ATRX: variants seen among roughly 807,000 people sequenced by gnomAD.
The protein encoded by ATRX is chromatin remodeler ATRX.
In ATRX, 12 loss-of-function variants were observed where a neutral mutation model predicts 172.6. The observed-to-expected ratio is 0.07, with a 90% CI of 0.04 to 0.11. The LOEUF is 0.11. Ranked by LOEUF, ATRX falls within the 10% of genes least tolerant of loss-of-function variation. The pLI is 1.00. For missense variants in ATRX, 1,368 were observed against 1,767.4 expected (o/e 0.77, Z 4.05); for synonymous variants, 674 against 594.7 (o/e 1.13, Z -1.94).
At chrX:77,773,110 A>AC (rs1374775303) in intron 1 of ATRX, among the ~76,000 whole-genome samples, 101 of 106,799 alleles carry the variant, frequency 9.5e-4, no homozygotes, top group Non-Finnish European at 1.7e-3. Flanking sequence ...AAAAAAAAAA[A>AC]AAAAAAGAAC....
chrX:77,600,418 A>C lies in ATRX; in HGVS notation c.5697+16T>G. The C allele has an allele frequency of 8.3e-7, 1 of 1,209,235 alleles. No individual in the cohort carries two copies. On this transcript the variant is annotated intron_variant, in intron 23 of 34. Coordinates refer to ENST00000373344, the MANE Select transcript of ATRX (RefSeq NM_000489.6). ...TGCTTCCAATAGATGCTTTTAAACT[A>C]AGTTACCTGACTTACCTTATTTTCT...
At chrX:77,722,636 A>G (rs935285028) in intron 1 of ATRX, among the ~76,000 whole-genome samples, 4 of 112,210 alleles carry the variant, frequency 3.6e-5, no homozygotes, top group Non-Finnish European at 7.5e-5. Context: ...AAAAACCACA[A>G]TGAGATACCA....
chrX:77,759,019 AT>A (rs1339917994), intron 1 of ATRX, among the ~76,000 whole-genome samples: 1 of 112,010 alleles, frequency 8.9e-6, no homozygotes, highest in Non-Finnish European at 1.9e-5. Context: ...TGGCTGTTAA[AT>A]TTTAAATTTA....
chrX:77,767,123 G>A (rs1229149484), intron 1 of ATRX, among the ~76,000 whole-genome samples: 2 of 111,729 alleles, frequency 1.8e-5, no homozygotes, highest in African/African-American at 6.5e-5. Flanking sequence ...GGCAGGCTGA[G>A]GCAGGAGAAT....
chrX:77,661,239 C>T (rs1024403060), intron 12 of ATRX, among the ~76,000 whole-genome samples: 1 of 111,762 alleles, frequency 8.9e-6, no homozygotes, highest in Non-Finnish European at 1.9e-5. Flanking sequence ...TCAAATAAAA[C>T]ATTTTTTAAA....
At chrX:77,676,601 G>T (rs528149259) in intron 9 of ATRX, among the ~76,000 whole-genome samples, 1 of 111,891 alleles carries the variant, frequency 8.9e-6, no homozygotes, top group East Asian at 2.8e-4. Flanking sequence ...ATTAGCATAA[G>T]TTTCTTGCCA....
intron 34 of ATRX, among the ~76,000 whole-genome samples, chrX:77,509,921 G>T (rs782244708): frequency 1.2e-5 from 1 of 80,135 alleles, no homozygotes; most frequent in South Asian, 1.2e-3. Context: ...CGGGGGGGGG[G>T]GGCACATGAC....
chrX:77,539,216 G>A (rs892404710), intron 30 of ATRX, among the ~76,000 whole-genome samples: 2 of 110,868 alleles, frequency 1.8e-5, no homozygotes, highest in Admixed American at 9.7e-5. Context: ...ATAGTTGGGC[G>A]ATCCTTTACT....
chrX:77,553,941 C>T (rs1181001505), intron 30 of ATRX, among the ~76,000 whole-genome samples: 6 of 111,597 alleles, frequency 5.4e-5, no homozygotes, highest in Admixed American at 3.8e-4. Context: ...GAGACCAGTA[C>T]AATTGGCATA....
At chrX:77,627,974 T>C (rs1324563538) in intron 19 of ATRX, among the ~76,000 whole-genome samples, 3 of 111,656 alleles carry the variant, frequency 2.7e-5, no homozygotes, top group Non-Finnish European at 5.6e-5. Context: ...ATATATCAGA[T>C]AGGAGGGTTT....
At chrX:77,784,641 CA>C (rs1477797093) in intron 1 of ATRX, among the ~76,000 whole-genome samples, 2 of 111,674 alleles carry the variant, frequency 1.8e-5, no homozygotes, top group Non-Finnish European at 3.8e-5. Flanking sequence ...AGCCTACTGA[CA>C]AATTCAGAAA....
intron 1 of ATRX, 86 bp downstream of exon 1, chrX:77,785,895 CA>C: frequency 4.4e-6 from 5 of 1,123,881 alleles, no homozygotes; most frequent in Non-Finnish European, 4.7e-6. Context: ...AGGCCTAACC[CA>C]CCAAGCGAAC....
At chrX:77,708,371 G>C (rs1335120839) in intron 2 of ATRX, among the ~76,000 whole-genome samples, 1 of 112,372 alleles carries the variant, frequency 8.9e-6, no homozygotes, top group Admixed American at 9.4e-5. Context: ...GTCCAAAATA[G>C]GGAAATAGGC....
At chrX:77,567,533 G>A (rs1386947592) in intron 28 of ATRX, among the ~76,000 whole-genome samples, 1 of 110,949 alleles carries the variant, frequency 9.0e-6, no homozygotes, top group Non-Finnish European at 1.9e-5. Flanking sequence ...AATACTAAAT[G>A]TGCATAATAA....
chrX:77,583,035 T>A (rs1328917031), intron 27 of ATRX, among the ~76,000 whole-genome samples: 2 of 111,354 alleles, frequency 1.8e-5, no homozygotes, highest in East Asian at 2.8e-4. Flanking sequence ...TAAACACACA[T>A]AAAAAAATTA....
At chrX:77,719,978 T>A (rs1179363045) in intron 1 of ATRX, among the ~76,000 whole-genome samples, 2 of 111,419 alleles carry the variant, frequency 1.8e-5, no homozygotes, top group Non-Finnish European at 3.8e-5. Flanking sequence ...ATCATAACAG[T>A]CTCTCAGACT....
chrX:77,513,271 T>C (rs781947516), intron 34 of ATRX, among the ~76,000 whole-genome samples: 29 of 89,247 alleles, frequency 3.2e-4, no homozygotes, highest in East Asian at 1.1e-3. Context: ...GAGCTGAGAT[T>C]GCGCCACTGC....
At chrX:77,533,383 C>T (rs1273758239) in intron 30 of ATRX, among the ~76,000 whole-genome samples, 2 of 112,127 alleles carry the variant, frequency 1.8e-5, no homozygotes, top group Admixed American at 9.4e-5. Context: ...CCTACATGCC[C>T]ATCAATGATA....
intron 30 of ATRX, among the ~76,000 whole-genome samples, chrX:77,537,718 G>T (rs1476173513): frequency 9.0e-6 from 1 of 110,541 alleles, no homozygotes; most frequent in Non-Finnish European, 1.9e-5. Flanking sequence ...CCCTAACCAA[G>T]TTTTTCTAAT....
Sources: gnomAD v4.1 joint callset for allele counts (sites outside exome capture counted in the v4.1 genomes callset) on GRCh38, gnomAD v4.1.1 for gene constraint, MANE v1.5 for transcripts, NCBI Gene and HGNC (gene_info 2026-07-23, HGNC 2026-07-21) for gene names.